The following RXRA variants were observed in gnomAD, a reference collection of about 807,000 sequenced individuals.
RXRA encodes the protein retinoid X receptor alpha, also known as retinoic acid receptor RXR-alpha.
RXRA carries 5 observed loss-of-function variants against 44.5 expected under a neutral mutation model. The ratio of observed to expected loss-of-function variants is 0.11; its 90% CI spans 0.06 to 0.24. The LOEUF (loss-of-function observed/expected upper bound fraction) is 0.24. Ranked by LOEUF, RXRA falls within the 10% of genes least tolerant of loss-of-function variation. The probability of loss-of-function intolerance (pLI) is 1.00; values close to 1 mark genes in which losing one functional copy is unlikely to be tolerated. For missense variants in RXRA, 412 were observed against 646.5 expected, an observed-to-expected ratio of 0.64 and a Z score of 3.93; for synonymous variants, 291 against 271.4, an observed-to-expected ratio of 1.07 and a Z score of -0.71.
At chr9:134,414,844 G>T (rs1012878032) in intron 4 of RXRA, among the ~76,000 whole-genome samples, 3 of 152,244 alleles carry the variant, frequency 2.0e-5, no homozygotes, top group Non-Finnish European at 4.4e-5. Context: ...GGGCTGCTCA[G>T]CGTGGGTGGG....
chr9:134,388,027 A>G (rs1830745856), intron 1 of RXRA, among the ~76,000 whole-genome samples: 2 of 152,094 alleles, frequency 1.3e-5, no homozygotes, highest in African/African-American at 2.4e-5. Context: ...TAGGGCACTT[A>G]TCGCTGCACC....
chr9:134,425,693 T>A (rs909460873), intron 6 of RXRA: 2 of 985,106 alleles, frequency 2.0e-6, no homozygotes, highest in African/African-American at 3.5e-5. Flanking sequence ...CCCCTGGTCT[T>A]GTTAATCCTG....
chr9:134,419,201 G>T (rs367973718), intron 5 of RXRA, among the ~76,000 whole-genome samples: 1 of 152,256 alleles, frequency 6.6e-6, no homozygotes, highest in African/African-American at 2.4e-5. Context: ...CTCGCGGAGG[G>T]CAGGGGAGGG....
At chr9:134,382,436 G>A (rs112588040) in intron 1 of RXRA, among the ~76,000 whole-genome samples, 1 of 152,270 alleles carries the variant, frequency 6.6e-6, no homozygotes, top group African/African-American at 2.4e-5. Context: ...CTGGGGCGGG[G>A]CCAGGGCAGC....
In RXRA at chr9:134,407,392, A is replaced by G. The variant is rs912729643; in HGVS notation, c.280-757A>G. On this transcript the variant is annotated intron_variant, in intron 2 of 9. Coordinates refer to ENST00000481739, the MANE Select transcript of RXRA (RefSeq NM_002957.6). The surrounding 1 kb of genome is among the most constrained non-coding windows in gnomAD (Gnocchi z 4.8). ...GGCTGGCTGGCAGGCTGCAGCGGGA[A>G]GCGCCTGTGGGTCCTCGGCGCTGAC... Among the ~76,000 whole-genome samples the G allele has an allele frequency of 3.9e-5, 6 of 152,168 alleles. No individual in the cohort carries two copies. The highest frequency in any genetic ancestry group is 4.8e-5 in the African/African-American group (2 of 41,446).
intron 4 of RXRA, among the ~76,000 whole-genome samples, chr9:134,410,767 C>G (rs904271360): frequency 6.6e-6 from 1 of 152,224 alleles, no homozygotes. Context: ...TGCCACAGCA[C>G]AGAGAGCTTG....
At chr9:134,398,021 C>T (rs1830904855) in intron 1 of RXRA, among the ~76,000 whole-genome samples, 1 of 151,986 alleles carries the variant, frequency 6.6e-6, no homozygotes, top group Non-Finnish European at 1.5e-5. Flanking sequence ...CTTTTGTCAC[C>T]CAGGCTGGAG....
intron 1 of RXRA, among the ~76,000 whole-genome samples, chr9:134,347,837 C>T (rs1199687019): frequency 6.6e-6 from 1 of 152,108 alleles, no homozygotes; most frequent in East Asian, 1.9e-4. Context: ...GGTGACAGAG[C>T]CAGGCAGGAC....
chr9:134,384,490 G>A (rs1466794374), intron 1 of RXRA, among the ~76,000 whole-genome samples: 1 of 152,208 alleles, frequency 6.6e-6, no homozygotes, highest in Non-Finnish European at 1.5e-5. Context: ...GGGAGACTTG[G>A]GAATTTAGTG....
chr9:134,430,085 A>G (rs1164776257), intron 7 of RXRA, among the ~76,000 whole-genome samples: 3 of 151,962 alleles, frequency 2.0e-5, no homozygotes, highest in Non-Finnish European at 4.4e-5. Context: ...ACGGGGTTTC[A>G]CCGTGTTAGC....
chr9:134,369,722 G>C (rs1370241421), intron 1 of RXRA, among the ~76,000 whole-genome samples: 1 of 151,978 alleles, frequency 6.6e-6, no homozygotes, highest in East Asian at 1.9e-4. Context: ...GCGTGTTGAG[G>C]CCTCTCGGGT....
intron 4 of RXRA, among the ~76,000 whole-genome samples, chr9:134,411,011 G>A (rs750232928): frequency 6.6e-6 from 1 of 152,206 alleles, no homozygotes; most frequent in African/African-American, 2.4e-5. Flanking sequence ...ACCCTGCCTC[G>A]GGCACCCGGT....
At chr9:134,378,141 C>T (rs1370807191) in intron 1 of RXRA, among the ~76,000 whole-genome samples, 1 of 152,222 alleles carries the variant, frequency 6.6e-6, no homozygotes, top group Non-Finnish European at 1.5e-5. Flanking sequence ...ACCCAGGGTT[C>T]TGGGCAGGGC....
chr9:134,401,526 G>A (rs986250256), intron 1 of RXRA, 106 bp from the exon 2 acceptor site: 80 of 1,561,694 alleles, frequency 5.1e-5, no homozygotes, highest in Middle Eastern at 3.4e-4. Flanking sequence ...TGAGGGTGCC[G>A]GGGTCTTCCC....
Position 134,401,654 on chromosome 9 carries a change from C to T in RXRA, c.51C>T (p.Ser17=). ...CAGATTTCTCCACCCAGGTGAACTC[C>T]TCCCTCACCTCCCCGACGGGGCGAG... The part of the protein sequence containing the change: ...LPLDFSTQVN[S]SLTSPTGRGS... The change falls in exon 2 of 10, where the codon TCC becomes TCT. Residue 17 remains serine, a synonymous_variant. Coordinates refer to ENST00000481739, the MANE Select transcript of RXRA (RefSeq NM_002957.6). 6.2e-7 allele frequency: 1 copy of T among 1,613,000 alleles called. No individual in the cohort carries two copies. The highest frequency in any genetic ancestry group is 8.5e-7 in the Non-Finnish European group (1 of 1,179,948).
At chr9:134,434,268 C>T (rs552029214) in intron 9 of RXRA, 61 bp downstream of exon 9, 70 of 1,292,520 alleles carry the variant, frequency 5.4e-5, no homozygotes, top group Non-Finnish European at 7.7e-5. Context: ...AGAGCCCCCA[C>T]CCCCTGCAAG....
In RXRA at chr9:134,349,234, C is replaced by T. The variant is rs1826058998; in HGVS notation, c.28+22575C>T. On this transcript the variant is annotated intron_variant, in intron 1 of 9. Coordinates refer to ENST00000481739, the MANE Select transcript of RXRA (RefSeq NM_002957.6). The surrounding 1 kb of genome is among the most constrained non-coding windows in gnomAD (Gnocchi z 4.3). ...CCCCAACTCCCTGCACCAGCCTGGC[C>T]CCGAGCTCCCACTTCCTCATGCTGG... Among the ~76,000 whole-genome samples, 1 of 152,148 alleles carries T rather than the reference C, an allele frequency of 6.6e-6. No homozygotes were observed. Among genetic ancestry groups the T allele is most frequent in the South Asian group, 2.1e-4 (1 of 4,824 alleles).
At chr9:134,401,059 G>A (rs1287587368) in intron 1 of RXRA, among the ~76,000 whole-genome samples, 1 of 152,358 alleles carries the variant, frequency 6.6e-6, no homozygotes, top group Non-Finnish European at 1.5e-5. Context: ...GTGGCTCTGA[G>A]TACTCAGGGC....
In RXRA at chr9:134,417,290, C is replaced by G. The variant is rs1046207246; in HGVS notation, c.743C>G (p.Thr248Ser). 30 of 1,613,790 alleles carry G rather than the reference C, an allele frequency of 1.9e-5. No homozygotes were observed. The highest frequency in any genetic ancestry group is 2.5e-5 in the Non-Finnish European group (29 of 1,179,952). Residue 248 changes from threonine (T) to serine (S), a missense_variant, in exon 5 of 10, where the codon ACC becomes AGC. This residue lies in a region of RXRA where 67 missense variants were observed against 78.7 expected (regional missense o/e 0.85). Transcript: ENST00000481739. This position sits in a 1 kb window ranked among gnomAD's most constrained non-coding sequence, Gnocchi z 6.1. The stretch of plus-strand genomic sequence containing the variant: ...CTGGCCGTGGAGCCCAAGACCGAGA[C>G]CTACGTGGAGGCAAACATGGGGCTG... ...AELAVEPKTE[T>S]YVEANMGLNP...
Sources: gnomAD v4.1 joint callset for allele counts (sites outside exome capture counted in the v4.1 genomes callset) on GRCh38, gnomAD v4.1.1 for gene constraint, gnomAD v4.1.1 regional missense constraint, Gnocchi (gnomAD v3.1) non-coding constraint, MANE v1.5 for transcripts, NCBI Gene and HGNC (gene_info 2026-07-23, HGNC 2026-07-21) for gene names.